NXPE2: variants seen among roughly 807,000 people sequenced by gnomAD.
The protein encoded by NXPE2 is NXPE family member 2.
In NXPE2, 34 loss-of-function variants were observed where a neutral mutation model predicts 34.4. The observed-to-expected ratio is 0.99, with a 90% CI of 0.75 to 1.31. NXPE2 has a LOEUF of 1.31. NXPE2 is among the 40% of genes most tolerant of loss of function. The pLI, the probability that NXPE2 is intolerant of heterozygous loss-of-function variation, is 0.00. For missense variants in NXPE2, 649 were observed against 672.5 expected (o/e 0.97, Z 0.39); for synonymous variants, 235 against 231.3 (o/e 1.02, Z -0.15).
At chr11:114,506,944 A>G in the NXPE2 span, among the ~76,000 whole-genome samples, 1 of 152,166 alleles carries the variant, frequency 6.6e-6, no homozygotes, top group Non-Finnish European at 1.5e-5. Context: ...CAAATCCAGG[A>G]GCTGGTTTTT....
At chr11:114,598,457 C>T in the NXPE2 span, among the ~76,000 whole-genome samples, 4 of 152,230 alleles carry the variant, frequency 2.6e-5, no homozygotes, top group African/African-American at 9.7e-5. Context: ...TCCACACTGC[C>T]CTAGTAGAGG....
At chr11:114,611,662 A>G in the NXPE2 span, among the ~76,000 whole-genome samples, 1 of 151,940 alleles carries the variant, frequency 6.6e-6, no homozygotes, top group South Asian at 2.1e-4. Flanking sequence ...CCTGGTGGAT[A>G]ATACGTGTTG....
the NXPE2 span, among the ~76,000 whole-genome samples, chr11:114,751,392 T>C: frequency 6.6e-6 from 1 of 152,310 alleles, no homozygotes; most frequent in African/African-American, 2.4e-5. Context: ...CAACAGACAT[T>C]TAGTGAGTTC....
the NXPE2 span, among the ~76,000 whole-genome samples, chr11:114,754,149 T>A: frequency 6.6e-6 from 1 of 152,246 alleles, no homozygotes; most frequent in Non-Finnish European, 1.5e-5. Flanking sequence ...ATTCTCATTT[T>A]TATTAATGAA....
chr11:114,705,674 G>A (rs990027417), intron 4 of NXPE2, 107 bp from the exon 5 acceptor site: 2 of 608,242 alleles, frequency 3.3e-6, no homozygotes, highest in African/African-American at 3.8e-5. Flanking sequence ...TAGAGCTGAA[G>A]AGAAAGGGGG....
At chr11:114,616,316 C>T in the NXPE2 span, among the ~76,000 whole-genome samples, 1 of 146,054 alleles carries the variant, frequency 6.8e-6, no homozygotes, top group Non-Finnish European at 1.5e-5. Context: ...AGTGTTGTCT[C>T]ACGTGTAACC....
chr11:114,727,774 AACACAC>A, the NXPE2 span, among the ~76,000 whole-genome samples: 1,810 of 127,616 alleles, frequency 0.014, 37 homozygotes, highest in African/African-American at 0.045. Flanking sequence ...ATGTGTACAC[AACACAC>A]ACACACACAC....
At chr11:114,777,723 G>A in the NXPE2 span, among the ~76,000 whole-genome samples, 1 of 152,208 alleles carries the variant, frequency 6.6e-6, no homozygotes, top group East Asian at 1.9e-4. Flanking sequence ...GCATAGTACA[G>A]TGATGAAAAG....
At chr11:114,566,850 A>G in the NXPE2 span, among the ~76,000 whole-genome samples, 1 of 152,154 alleles carries the variant, frequency 6.6e-6, no homozygotes, top group African/African-American at 2.4e-5. Flanking sequence ...TGTTTCCTAA[A>G]CAAATGACCC....
At chr11:114,668,316 A>G in the NXPE2 span, among the ~76,000 whole-genome samples, 2 of 151,938 alleles carry the variant, frequency 1.3e-5, no homozygotes, top group African/African-American at 4.8e-5. Context: ...TATTTCTGCT[A>G]GTGAACAGGC....
the NXPE2 span, among the ~76,000 whole-genome samples, chr11:114,772,818 T>G: frequency 6.6e-6 from 1 of 152,188 alleles, no homozygotes; most frequent in Admixed American, 6.5e-5. Context: ...TTCAGCACTC[T>G]GAGGACAGAG....
At chr11:114,807,720 T>TA in the NXPE2 span, among the ~76,000 whole-genome samples, 1 of 151,748 alleles carries the variant, frequency 6.6e-6, no homozygotes, top group African/African-American at 2.4e-5. Flanking sequence ...CAAAGAGACT[T>TA]AGACTCCCAC....
At chr11:114,620,392 C>G in the NXPE2 span, among the ~76,000 whole-genome samples, 1 of 151,984 alleles carries the variant, frequency 6.6e-6, no homozygotes, top group Non-Finnish European at 1.5e-5. Flanking sequence ...TGGGTAACCA[C>G]TGTTACCCAT....
At chr11:114,810,041 T>A in the NXPE2 span, among the ~76,000 whole-genome samples, 3 of 151,180 alleles carry the variant, frequency 2.0e-5, no homozygotes, top group Non-Finnish European at 2.9e-5. Flanking sequence ...ATGCCGCATA[T>A]CTACAACCAT....
the NXPE2 span, among the ~76,000 whole-genome samples, chr11:114,626,304 T>G: frequency 2.0e-5 from 3 of 152,166 alleles, no homozygotes; most frequent in Non-Finnish European, 4.4e-5. Flanking sequence ...GAGCAGTGGT[T>G]CTCCTAGCAC....
the NXPE2 span, among the ~76,000 whole-genome samples, chr11:114,572,134 C>T: frequency 6.6e-6 from 1 of 152,128 alleles, no homozygotes; most frequent in Non-Finnish European, 1.5e-5. Flanking sequence ...CACTGGGTTG[C>T]GAGACTCAGG....
the NXPE2 span, among the ~76,000 whole-genome samples, chr11:114,539,813 G>A: frequency 6.6e-6 from 1 of 151,976 alleles, no homozygotes; most frequent in Admixed American, 6.6e-5. Context: ...AAGCAGACTT[G>A]AAGTTTATTA....
chr11:114,662,224 A>G, the NXPE2 span, among the ~76,000 whole-genome samples: 1 of 134,656 alleles, frequency 7.4e-6, no homozygotes, highest in African/African-American at 2.6e-5. Context: ...GTTTCTGTGC[A>G]CTGGGGAGAG....
At chr11:114,576,308 A>G in the NXPE2 span, among the ~76,000 whole-genome samples, 173 of 152,096 alleles carry the variant, frequency 1.1e-3, no homozygotes, top group African/African-American at 4.0e-3. Flanking sequence ...CTTTATGACC[A>G]AGGACCCAAA....
Sources: allele counts gnomAD v4.1 joint callset (sites outside exome capture counted in the v4.1 genomes callset), GRCh38; gene constraint gnomAD v4.1.1; transcripts MANE v1.5; gene names NCBI Gene and HGNC (gene_info 2026-07-23, HGNC 2026-07-21).